The following AK7 variants were observed in gnomAD, a reference collection of about 807,000 sequenced individuals.
AK7 encodes the protein adenylate kinase 7.
AK7 carries 78 observed loss-of-function variants against 96.6 expected under a neutral mutation model. The observed-to-expected ratio is 0.81, with a 90% CI of 0.67 to 0.97. AK7 has a LOEUF of 0.97. AK7 is among the 50% of genes least tolerant of loss of function. The pLI is 0.00. For synonymous variants in AK7, 302 were observed against 317.2 expected, an observed-to-expected ratio of 0.95 and a Z score of 0.51; for missense variants, 855 against 887.9, an observed-to-expected ratio of 0.96 and a Z score of 0.47.
chr14:96,469,386 G>A (rs73351145), intron 12 of AK7, among the ~76,000 whole-genome samples: 5 of 152,086 alleles, frequency 3.3e-5, no homozygotes, highest in South Asian at 2.1e-4. Flanking sequence ...TTAGCTGGGC[G>A]TAGTGGTGCA....
intron 13 of AK7, 67 bp downstream of exon 13, chr14:96,471,673 G>A: frequency 1.6e-6 from 2 of 1,285,724 alleles, no homozygotes; most frequent in Non-Finnish European, 2.1e-6. Context: ...GTTCAGAGAA[G>A]TAGTCACTCA....
chr14:96,401,513 G>C (rs1294569803), intron 2 of AK7, among the ~76,000 whole-genome samples: 1 of 152,178 alleles, frequency 6.6e-6, no homozygotes, highest in East Asian at 1.9e-4. Context: ...GAAACACCAT[G>C]CAAGGGGGAA....
At chr14:96,437,661 C>T (rs776309966) in intron 5 of AK7, among the ~76,000 whole-genome samples, 174 bp from the exon 6 acceptor site, 8 of 152,056 alleles carry the variant, frequency 5.3e-5, no homozygotes, top group African/African-American at 1.4e-4. Flanking sequence ...CTGAATAGTG[C>T]GGGGGTGTCG....
At chr14:96,424,823 CTA>C (rs1453076827) in intron 5 of AK7, among the ~76,000 whole-genome samples, 1 of 152,014 alleles carries the variant, frequency 6.6e-6, no homozygotes, top group East Asian at 1.9e-4. Context: ...AATTCCATAA[CTA>C]TGTTATTTTA....
chr14:96,412,767 G>T (rs576250058), intron 4 of AK7, among the ~76,000 whole-genome samples: 2 of 148,198 alleles, frequency 1.3e-5, no homozygotes, highest in Non-Finnish European at 3.0e-5. Context: ...GGGTTTCACC[G>T]TGTTGGCCAG....
At chr14:96,429,066 A>G (rs1437317606) in intron 5 of AK7, among the ~76,000 whole-genome samples, 1 of 152,128 alleles carries the variant, frequency 6.6e-6, no homozygotes, top group Non-Finnish European at 1.5e-5. Flanking sequence ...GGTATTGCCT[A>G]GGTTTTCTTC....
chr14:96,402,252 C>T (rs1276947886), intron 2 of AK7, among the ~76,000 whole-genome samples: 2 of 151,562 alleles, frequency 1.3e-5, no homozygotes, highest in South Asian at 2.1e-4. Context: ...ATATATTATT[C>T]ATTTTTGCCT....
At chr14:96,482,485 G>A (rs1471356079) in intron 15 of AK7, among the ~76,000 whole-genome samples, 2 of 151,974 alleles carry the variant, frequency 1.3e-5, no homozygotes, top group African/African-American at 2.4e-5. Context: ...TCTTCTCTTT[G>A]GTCTTGATAC....
At chr14:96,444,022 G>A (rs1781261495) in intron 7 of AK7, among the ~76,000 whole-genome samples, 2 of 152,084 alleles carry the variant, frequency 1.3e-5, no homozygotes, top group Admixed American at 1.3e-4. Flanking sequence ...TGATCCACCC[G>A]CCTCAGCCTC....
intron 12 of AK7, among the ~76,000 whole-genome samples, chr14:96,468,073 C>CAAAAAAAAA (rs35563628): frequency 3.8e-5 from 3 of 79,132 alleles, no homozygotes; most frequent in Non-Finnish European, 6.9e-5. Flanking sequence ...CCCGTCTCTA[C>CAAAAAAAAA]AAAAAAAAAA....
chr14:96,423,503 T>A (rs1167939450), intron 5 of AK7, among the ~76,000 whole-genome samples: 10 of 151,944 alleles, frequency 6.6e-5, no homozygotes, highest in Admixed American at 4.6e-4. Context: ...GATCAAAACA[T>A]AAAACAGAGT....
chr14:96,471,751 C>CTT, intron 13 of AK7, 145 bp downstream of exon 13: 10 of 653,152 alleles, frequency 1.5e-5, no homozygotes, highest in Non-Finnish European at 2.0e-5. Context: ...CTTTACGTAG[C>CTT]TTTTTTTTTT....
chr14:96,477,378 A>G (rs1895246131), intron 14 of AK7, among the ~76,000 whole-genome samples: 1 of 152,222 alleles, frequency 6.6e-6, no homozygotes, highest in African/African-American at 2.4e-5. Flanking sequence ...TGGCATTATG[A>G]TGTTATAAGC....
At chr14:96,415,249 G>A (rs1181605927) in intron 4 of AK7, among the ~76,000 whole-genome samples, 1 of 152,022 alleles carries the variant, frequency 6.6e-6, no homozygotes, top group Middle Eastern at 3.4e-3. Flanking sequence ...GAGCCCAGGA[G>A]TTCAAGACCA....
intron 12 of AK7, among the ~76,000 whole-genome samples, chr14:96,461,665 C>T (rs571537740): frequency 6.7e-6 from 1 of 148,830 alleles, no homozygotes; most frequent in South Asian, 2.1e-4. Context: ...GATCTCGGCT[C>T]ACTGCAAGCT....
rs370482538 is a variant in AK7, at chr14:96,408,949, G to C, written c.498+8G>C. 7 of 1,613,094 alleles carry C rather than the reference G, an allele frequency of 4.3e-6. No homozygotes were observed. In the African/African-American group the frequency reaches 9.3e-5, roughly 22 times the overall value. On this transcript the variant is annotated splice_region_variant and intron_variant, in intron 4 of 17. Transcript: ENST00000267584. Reference sequence around the variant, plus strand: ...TCCAAAGCCCTGGACCCCGTAAGTAGAGCGTTAGCTTTCCTTTAGGTAACA... The same window carrying C: ...TCCAAAGCCCTGGACCCCGTAAGTACAGCGTTAGCTTTCCTTTAGGTAACA...
rs1443830618 is a variant in AK7 at position 96,399,646 on chromosome 14, C to G, written c.294+1383C>G. On this transcript the variant is annotated intron_variant, in intron 2 of 17. Transcript: ENST00000267584. This position sits in a 1 kb window ranked among gnomAD's most constrained non-coding sequence, Gnocchi z 4.1. ...GCCCTGGCCGATGTCACCAGCAGTC[C>G]CCTGACTCCCGAGGGGCTTAGCTCA... 6.6e-6 allele frequency among the ~76,000 whole-genome samples: 1 copy of G among 152,182 alleles called. No individual in the cohort carries two copies. The highest frequency in any genetic ancestry group is 2.4e-5 in the African/African-American group (1 of 41,444).
At chr14:96,476,289 T>C (rs1895173533) in intron 14 of AK7, among the ~76,000 whole-genome samples, 1 of 152,156 alleles carries the variant, frequency 6.6e-6, no homozygotes, top group African/African-American at 2.4e-5. Flanking sequence ...GCAGATCACC[T>C]GAGGTCAGGA....
At chr14:96,398,607 C>T (rs564810041) in intron 2 of AK7, 126 of 284,414 alleles carry the variant, frequency 4.4e-4, no homozygotes, top group South Asian at 3.9e-3. Flanking sequence ...ATAGGCCAGG[C>T]GCGGTGGCTT....
Sources: allele counts gnomAD v4.1 joint callset (sites outside exome capture counted in the v4.1 genomes callset), GRCh38; gene constraint gnomAD v4.1.1; non-coding constraint Gnocchi (gnomAD v3.1); transcripts MANE v1.5; gene names NCBI Gene and HGNC (gene_info 2026-07-23, HGNC 2026-07-21).